The following PCDHGB4 variants were observed in gnomAD, a reference collection of about 807,000 sequenced individuals.
PCDHGB4 encodes the protein protocadherin gamma subfamily B, 4.
Under a neutral mutation model 60.5 loss-of-function variants are expected in PCDHGB4, and 38 were observed. That is an observed-to-expected ratio of 0.63 (90% CI 0.48 to 0.82). PCDHGB4 has a LOEUF of 0.82. Among genes scored for constraint, PCDHGB4 ranks in the 40% least tolerant of loss-of-function variants. The pLI is 0.00. For missense variants in PCDHGB4, 1,109 were observed against 1,209.6 expected, an observed-to-expected ratio of 0.92 and a Z score of 1.23; for synonymous variants, 456 against 509.7, an observed-to-expected ratio of 0.89 and a Z score of 1.42.
rs888389135 is a variant in PCDHGB4 at position 141,487,089 on chromosome 5, C to T, written c.2398-7718C>T. 12 of 1,613,882 alleles carry T rather than the reference C, an allele frequency of 7.4e-6. No individual in the cohort carries two copies. Among genetic ancestry groups the T allele is most frequent in the Non-Finnish European group, 1.0e-5 (12 of 1,179,768 alleles). On this transcript the variant is annotated intron_variant, in intron 1 of 3. Coordinates refer to ENST00000519479, the MANE Select transcript of PCDHGB4 (RefSeq NM_003736.4). The surrounding 1 kb of genome is among the most constrained non-coding windows in gnomAD (Gnocchi z 5.0). The stretch of plus-strand genomic sequence containing the variant: ...GCTGTTCCTATCCCAGCTGACCTCC[C>T]ACCACAGAAGCTGGTCATTGTGGTA...
intron 1 of PCDHGB4, among the ~76,000 whole-genome samples, chr5:141,439,341 G>A (rs1464427300): frequency 6.6e-6 from 1 of 152,166 alleles, no homozygotes; most frequent in East Asian, 1.9e-4. Context: ...AAGATTCTAA[G>A]CCTACAAATA....
intron 1 of PCDHGB4, chr5:141,404,766 C>T (rs1489047184): frequency 6.2e-7 from 1 of 1,613,940 alleles, no homozygotes; most frequent in East Asian, 2.2e-5. Flanking sequence ...GCTTGGCTCT[C>T]CTACCGCCTA....
In PCDHGB4 at chr5:141,476,316, G is replaced by A. The variant is rs536532455; in HGVS notation, c.2398-18491G>A. On this transcript the variant is annotated intron_variant, in intron 1 of 3. Coordinates refer to ENST00000519479, the MANE Select transcript of PCDHGB4 (RefSeq NM_003736.4). This position sits in a 1 kb window ranked among gnomAD's most constrained non-coding sequence, Gnocchi z 7.6. ...GGTAGCCTCTCAGCCCGCAGGTTCC[G>A]GGTGGTGTCTGGAGCTAGCCGAAGA... is the stretch of plus-strand genomic sequence containing the variant. The A allele has an allele frequency of 6.2e-7, 1 of 1,614,176 alleles. No individual in the cohort carries two copies. The highest frequency in any genetic ancestry group is 1.7e-5 in the Admixed American group (1 of 60,028).
In PCDHGB4 at chr5:141,511,539, C is replaced by CGAGAT; in HGVS notation, c.*366_*367insGAGAT. 3.0e-6 allele frequency: 1 copy of CGAGAT among 328,342 alleles called. No individual in the cohort carries two copies. Among genetic ancestry groups the CGAGAT allele is most frequent in the South Asian group, 3.2e-5 (1 of 31,708 alleles). 20.3% of individuals were successfully genotyped at this position (328,342 alleles called of 1,614,324 possible). On this transcript the variant is annotated 3_prime_UTR_variant, in exon 4 of 4. Transcript: ENST00000519479. ...CATCCCATGCCTCCCTCCTCCCCAC[C>CGAGAT]CCACTCCAACAGTTCCTCTTTCCCG...
chr5:141,395,562 G>T (rs975935179), intron 1 of PCDHGB4: 2 of 227,450 alleles, frequency 8.8e-6, no homozygotes, highest in Non-Finnish European at 1.7e-5. Context: ...GTGTGTGTGT[G>T]TGTGTGTGTG....
intron 1 of PCDHGB4, chr5:141,423,757 G>A: frequency 5.1e-6 from 2 of 395,134 alleles, no homozygotes; most frequent in Non-Finnish European, 7.1e-6. Flanking sequence ...GTTTGGGGGG[G>A]GGGTGGGGCG....
intron 1 of PCDHGB4, chr5:141,478,182 AT>A: frequency 6.2e-7 from 1 of 1,613,984 alleles, no homozygotes. Context: ...CAGAAAAAAA[AT>A]CTCACCTTTT....
chr5:141,400,027 G>A, intron 1 of PCDHGB4: 20 of 1,612,664 alleles, frequency 1.2e-5, no homozygotes, highest in Non-Finnish European at 1.7e-5. Flanking sequence ...CAGGGACGCG[G>A]CCCGCCAGCG....
At chr5:141,506,699 C>T (rs758682427) in intron 3 of PCDHGB4, among the ~76,000 whole-genome samples, 2 of 152,094 alleles carry the variant, frequency 1.3e-5, no homozygotes, top group Non-Finnish European at 2.9e-5. Flanking sequence ...GACCCAAACC[C>T]GTTTTTTACT....
Position 141,393,390 on chromosome 5 carries a change from G to C in PCDHGB4, c.2397+3109G>C, listed in dbSNP as rs761230046. On this transcript the variant is annotated intron_variant, in intron 1 of 3. Coordinates refer to ENST00000519479, the MANE Select transcript of PCDHGB4 (RefSeq NM_003736.4). ...TGGAGACAATGGAGCCATAAACCCA[G>C]AGCTGGTGCTGGAGCGCGCCCTGGA... 24 of 1,613,882 alleles carry C rather than the reference G, an allele frequency of 1.5e-5. No homozygotes were observed. The South Asian group carries it at 2.5e-4, about 17-fold the overall frequency.
In PCDHGB4 at chr5:141,490,654, C is replaced by A; in HGVS notation, c.2398-4153C>A. On this transcript the variant is annotated intron_variant, in intron 1 of 3. Transcript: ENST00000519479. The surrounding 1 kb of genome is among the most constrained non-coding windows in gnomAD (Gnocchi z 5.4). ...CCTAGAAAACCGGCCTCCGGGCTCC[C>A]TTCTTTGCACTGTGGCTGCCTCAGA... 6.2e-7 allele frequency: 1 copy of A among 1,614,206 alleles called. No individual in the cohort carries two copies. Among genetic ancestry groups the A allele is most frequent in the Non-Finnish European group, 8.5e-7 (1 of 1,180,014 alleles).
At chr5:141,392,238 A>G (rs1412628236) in intron 1 of PCDHGB4, 1 of 152,214 alleles carries the variant, frequency 6.6e-6, no homozygotes, top group Admixed American at 6.5e-5. Context: ...GTTCTTAGTT[A>G]TTTGTTAGTA....
intron 1 of PCDHGB4, chr5:141,398,937 C>G: frequency 6.2e-7 from 1 of 1,613,902 alleles, no homozygotes; most frequent in Non-Finnish European, 8.5e-7. Context: ...CTGACCAAGA[C>G]GAGGGCATCA....
At chr5:141,415,754 T>C in intron 1 of PCDHGB4, 3 of 1,385,738 alleles carry the variant, frequency 2.2e-6, no homozygotes, top group South Asian at 1.7e-5. Context: ...TTTTTTTTTT[T>C]TTTTTTTTTT....
At chr5:141,393,326 G>C (rs2092729554) in intron 1 of PCDHGB4, 2 of 1,611,218 alleles carry the variant, frequency 1.2e-6, no homozygotes, top group Non-Finnish European at 1.7e-6. Context: ...AGAGCTACCA[G>C]CTCAGCCCCA....
chr5:141,484,374 T>C (rs1261372490), intron 1 of PCDHGB4, among the ~76,000 whole-genome samples: 1 of 152,186 alleles, frequency 6.6e-6, no homozygotes, highest in Non-Finnish European at 1.5e-5. Context: ...CACTAGCAAA[T>C]GTCTGAATAA....
intron 1 of PCDHGB4, among the ~76,000 whole-genome samples, chr5:141,463,944 T>C (rs1454454223): frequency 3.3e-5 from 5 of 152,158 alleles, no homozygotes; most frequent in African/African-American, 4.8e-5. Flanking sequence ...TTTATAGAAA[T>C]CTTCATTTTT....
chr5:141,441,883 A>T, intron 1 of PCDHGB4: 1 of 343,546 alleles, frequency 2.9e-6, no homozygotes, highest in South Asian at 2.6e-5. Context: ...CTACCTGGTC[A>T]CCAAGGTGGT....
At position 141,432,297 on chromosome 5, in the gene PCDHGB4, T is replaced by C. The variant is rs1339659774; in HGVS notation, c.2397+42016T>C. 3.1e-6 allele frequency: 5 copies of C among 1,614,040 alleles called. No individual in the cohort carries two copies. The highest frequency in any genetic ancestry group is 1.7e-5 in the Admixed American group (1 of 60,006). ...GTGTCCATCAACTCCGACACTGGGG[T>C]ACTGTATGCGCTGAGCTCCTTCGAC... On this transcript the variant is annotated intron_variant, in intron 1 of 3. Transcript: ENST00000519479. This position sits in a 1 kb window ranked among gnomAD's most constrained non-coding sequence, Gnocchi z 6.0.
Sources: allele counts gnomAD v4.1 joint callset (sites outside exome capture counted in the v4.1 genomes callset), GRCh38; gene constraint gnomAD v4.1.1; non-coding constraint Gnocchi (gnomAD v3.1); transcripts MANE v1.5; gene names NCBI Gene and HGNC (gene_info 2026-07-23, HGNC 2026-07-21).